AFF3: variants seen among roughly 807,000 people sequenced by gnomAD.
AFF3 encodes ALF transcription elongation factor 3.
In AFF3, 32 loss-of-function variants were observed where a neutral mutation model predicts 129.7. That is an observed-to-expected ratio of 0.25 (90% CI 0.19 to 0.33). The LOEUF is 0.33. Ranked by LOEUF, AFF3 falls within the 10% of genes least tolerant of loss-of-function variation. AFF3 has a pLI of 1.00. For synonymous variants in AFF3, 644 were observed against 635.4 expected (o/e 1.01, Z -0.20); for missense variants, 1,373 against 1,592.0 (o/e 0.86, Z 2.34).
intron 14 of AFF3, among the ~76,000 whole-genome samples, chr2:99,601,196 A>C (rs187380845): frequency 2.0e-4 from 30 of 152,154 alleles, no homozygotes; most frequent in Non-Finnish European, 2.2e-4. Flanking sequence ...TCAAGAGAGA[A>C]TCTGGGGGCA....
chr2:99,794,050 C>A (rs1363687764), intron 8 of AFF3, among the ~76,000 whole-genome samples: 1 of 152,178 alleles, frequency 6.6e-6, no homozygotes, highest in Non-Finnish European at 1.5e-5. Flanking sequence ...TTCATTTCCC[C>A]ATATTGGGGG....
intron 7 of AFF3, among the ~76,000 whole-genome samples, chr2:99,873,964 G>C (rs1692076597): frequency 6.6e-6 from 1 of 151,950 alleles, no homozygotes; most frequent in Non-Finnish European, 1.5e-5. Flanking sequence ...CACGAGGTCA[G>C]GAGATCGAGA....
chr2:99,773,106 T>C (rs1683619676), intron 8 of AFF3, among the ~76,000 whole-genome samples: 1 of 152,204 alleles, frequency 6.6e-6, no homozygotes, highest in South Asian at 2.1e-4. Flanking sequence ...CACATCTTCC[T>C]TCAAGAAGAC....
intron 15 of AFF3, among the ~76,000 whole-genome samples, chr2:99,587,680 A>G (rs1645676390): frequency 6.6e-6 from 1 of 152,178 alleles, no homozygotes; most frequent in South Asian, 2.1e-4. Context: ...GATTCATGCC[A>G]TAAGGGCAGT....
intron 7 of AFF3, among the ~76,000 whole-genome samples, chr2:99,893,891 T>A (rs1413195565): frequency 1.3e-5 from 2 of 152,226 alleles, no homozygotes; most frequent in African/African-American, 4.8e-5. Context: ...TGAGTTTACA[T>A]CCCGTTCTGC....
At chr2:99,770,063 T>G (rs551433415) in intron 8 of AFF3, among the ~76,000 whole-genome samples, 1 of 152,342 alleles carries the variant, frequency 6.6e-6, no homozygotes, top group African/African-American at 2.4e-5. Context: ...GGTTTGTGTC[T>G]TTCCCTTCAG....
intron 8 of AFF3, among the ~76,000 whole-genome samples, chr2:99,834,969 T>C (rs1315027517): frequency 1.3e-5 from 2 of 152,166 alleles, no homozygotes; most frequent in African/African-American, 4.8e-5. Flanking sequence ...ACCTCCAATA[T>C]GTTGTTCTAT....
chr2:99,648,917 A>ACACATACTCTCTCTCT, intron 13 of AFF3, among the ~76,000 whole-genome samples: 1 of 46,874 alleles, frequency 2.1e-5, no homozygotes. Context: ...ACACACACAC[A>ACACATACTCTCTCTCT]CTCTCTCTCT....
At chr2:99,895,002 G>A (rs1006541269) in intron 7 of AFF3, among the ~76,000 whole-genome samples, 12 of 152,092 alleles carry the variant, frequency 7.9e-5, no homozygotes, top group South Asian at 2.1e-4. Flanking sequence ...AGCATTTCTC[G>A]AGGCCTTTTC....
chr2:99,570,036 T>C (rs1676330302), intron 18 of AFF3, among the ~76,000 whole-genome samples: 1 of 152,186 alleles, frequency 6.6e-6, no homozygotes, highest in African/African-American at 2.4e-5. Flanking sequence ...AATCACAGCA[T>C]AGTTTTGGGG....
intron 7 of AFF3, among the ~76,000 whole-genome samples, chr2:99,911,134 C>T (rs1247551964): frequency 1.3e-5 from 2 of 152,182 alleles, no homozygotes; most frequent in African/African-American, 2.4e-5. Context: ...GGGCGGAGCA[C>T]CTTAGTCCAT....
chr2:99,839,949 T>C (rs772406594), intron 7 of AFF3, among the ~76,000 whole-genome samples: 2 of 151,808 alleles, frequency 1.3e-5, no homozygotes, highest in Non-Finnish European at 2.9e-5. Flanking sequence ...TTGTGTTTAC[T>C]GAACATTTGT....
chr2:99,625,880 A>G (rs1169047835), intron 13 of AFF3, among the ~76,000 whole-genome samples: 1 of 152,216 alleles, frequency 6.6e-6, no homozygotes, highest in Non-Finnish European at 1.5e-5. Flanking sequence ...GCTTTATGTA[A>G]CCACTTTTCC....
intron 4 of AFF3, among the ~76,000 whole-genome samples, chr2:100,047,908 G>GA (rs1346337542): frequency 6.6e-6 from 1 of 152,156 alleles, no homozygotes; most frequent in Non-Finnish European, 1.5e-5. Context: ...GCAATGAGGG[G>GA]AACACTTGAG....
chr2:99,898,082 G>A lies in AFF3; in HGVS notation c.874-60558C>T, dbSNP rs1375249336. ...CCTCTGTAATTTCCACCAAGTACAC[G>A]ACAATGTTATATGAGAACCACAGAA... is the stretch of plus-strand genomic sequence containing the variant. On this transcript the variant is annotated intron_variant, in intron 7 of 24. Transcript: ENST00000672756. Among the ~76,000 whole-genome samples, 4 of 152,144 alleles carry A rather than the reference G, an allele frequency of 2.6e-5. No homozygotes were observed. In the East Asian group the frequency reaches 7.7e-4, roughly 29 times the overall value.
intron 7 of AFF3, among the ~76,000 whole-genome samples, chr2:99,891,364 G>A (rs1431939701): frequency 6.6e-6 from 1 of 152,082 alleles, no homozygotes; most frequent in African/African-American, 2.4e-5. Flanking sequence ...TGCTGTCTCC[G>A]GGAATTAGCT....
chr2:99,667,931 T>A (rs906838835), intron 12 of AFF3, among the ~76,000 whole-genome samples: 1 of 151,058 alleles, frequency 6.6e-6, no homozygotes, highest in Non-Finnish European at 1.5e-5. Flanking sequence ...CCGAGGCGGG[T>A]AGATCATGAG....
chr2:99,677,624 C>T (rs17783548), intron 11 of AFF3, among the ~76,000 whole-genome samples: 4,030 of 152,248 alleles, frequency 0.026, 66 homozygotes, highest in Non-Finnish European at 0.035. Context: ...GAGAGCGGGC[C>T]TTGCAGGAGC....
Position 99,594,143 on chromosome 2 carries a change from G to A in AFF3, c.1518C>T (p.Asp506=). Residue 506 remains aspartate, a synonymous_variant, in exon 15 of 25, where the codon GAC becomes GAT. Transcript: ENST00000672756. ...YYNPVKEDVQ[D]CGKVPDVCQP... Reference sequence around the variant, plus strand: ...GGCAAACGTCGGGGACTTTCCCACAGTCCTGGACGTCCTCTTTCACCGGGT... The same window carrying A: ...GGCAAACGTCGGGGACTTTCCCACAATCCTGGACGTCCTCTTTCACCGGGT... 1 of 1,614,180 alleles carries A rather than the reference G, an allele frequency of 6.2e-7. No individual in the cohort carries two copies. The highest frequency in any genetic ancestry group is 1.1e-5 in the South Asian group (1 of 91,080).
Sources: gnomAD v4.1 joint callset for allele counts (sites outside exome capture counted in the v4.1 genomes callset) on GRCh38, gnomAD v4.1.1 for gene constraint, MANE v1.5 for transcripts, NCBI Gene and HGNC (gene_info 2026-07-23, HGNC 2026-07-21) for gene names.